The following PLSCR4 variants were observed in gnomAD, a reference collection of about 807,000 sequenced individuals.
PLSCR4 encodes Ca(2+)-dependent phospholipid scramblase 4.
PLSCR4 carries 25 observed loss-of-function variants against 36.3 expected under a neutral mutation model. That is an observed-to-expected ratio of 0.69 (90% confidence interval 0.50 to 0.96). The LOEUF (loss-of-function observed/expected upper bound fraction) is 0.96, where lower values mean the gene tolerates loss of function less well. Among genes scored for constraint, PLSCR4 ranks in the 40% least tolerant of loss-of-function variants. PLSCR4 has a pLI of 0.00. For synonymous variants in PLSCR4, 122 were observed against 132.9 expected (o/e 0.92, Z 0.56); for missense variants, 408 against 414.7 (o/e 0.98, Z 0.14).
chr3:146,227,275 G>A (rs375780003), intron 1 of PLSCR4, among the ~76,000 whole-genome samples: 1 of 152,048 alleles, frequency 6.6e-6, no homozygotes, highest in Non-Finnish European at 1.5e-5. Flanking sequence ...GTATTTTGGG[G>A]GCATGATATG....
At chr3:146,241,322 T>C (rs2036141652) in intron 1 of PLSCR4, among the ~76,000 whole-genome samples, 1 of 152,182 alleles carries the variant, frequency 6.6e-6, no homozygotes. Context: ...TTTTATGGTA[T>C]GTGAATTATG....
chr3:146,222,001 GA>G, intron 2 of PLSCR4, 63 bp downstream of exon 2: 1 of 968,976 alleles, frequency 1.0e-6, no homozygotes, highest in Non-Finnish European at 1.5e-6. Flanking sequence ...CCCCTTTAGG[GA>G]AAATAATCAC....
chr3:146,221,024 T>C lies in PLSCR4; in HGVS notation c.8-99A>G, dbSNP rs115332060. On this transcript the variant is annotated intron_variant, in intron 2 of 8. Coordinates refer to ENST00000354952, the MANE Select transcript of PLSCR4 (RefSeq NM_020353.3). Reference sequence around the variant, plus strand: ...TCTTATGGGAATGCATCAAGAAATATAATCAACTGGAAAATACACTCCTAT... The same window carrying C: ...TCTTATGGGAATGCATCAAGAAATACAATCAACTGGAAAATACACTCCTAT... 2,928 of 650,838 alleles carry C rather than the reference T, an allele frequency of 4.5e-3. 78 individuals are homozygous for C. The African/African-American group carries it at 0.048, about 11-fold the overall frequency. The allele number at this position is 650,838 out of a possible 1,614,324, so 40.3% of individuals were successfully genotyped here.
At chr3:146,202,891 G>A (rs946840746) in intron 4 of PLSCR4, among the ~76,000 whole-genome samples, 2 of 152,008 alleles carry the variant, frequency 1.3e-5, no homozygotes, top group Non-Finnish European at 2.9e-5. Flanking sequence ...ATCTGTTAAA[G>A]TTGTATCATG....
chr3:146,194,357 T>TA lies in PLSCR4; in HGVS notation c.*53_*54insT. The TA allele has an allele frequency of 8.3e-7, 1 of 1,210,326 alleles. No individual in the cohort carries two copies. The highest frequency in any genetic ancestry group is 1.2e-5 in the South Asian group (1 of 82,422). The allele number at this position is 1,210,326 out of a possible 1,614,324, so 75.0% of individuals were successfully genotyped here. Reference sequence around the variant, plus strand: ...AACTGAGTGCTGACTGTAAGCCCAATCCAACTTTTCCATTTTTCAAAATTA... The same window carrying TA: ...AACTGAGTGCTGACTGTAAGCCCAATACCAACTTTTCCATTTTTCAAAATTA... On this transcript the variant is annotated 3_prime_UTR_variant, in exon 9 of 9. Transcript: ENST00000354952.
chr3:146,243,815 A>C (rs2036247195), intron 1 of PLSCR4, among the ~76,000 whole-genome samples: 3 of 152,296 alleles, frequency 2.0e-5, no homozygotes, highest in African/African-American at 7.2e-5. Flanking sequence ...CCTCATTTGT[A>C]GAGAAAACAC....
intron 1 of PLSCR4, among the ~76,000 whole-genome samples, chr3:146,224,487 C>T (rs1020831303): frequency 6.7e-6 from 1 of 148,898 alleles, no homozygotes; most frequent in Admixed American, 6.6e-5. Flanking sequence ...GAGTTTGTTC[C>T]TTCTTATGTT....
chr3:146,213,443 T>C (rs930893496), intron 3 of PLSCR4, among the ~76,000 whole-genome samples: 2 of 151,222 alleles, frequency 1.3e-5, no homozygotes, highest in African/African-American at 2.4e-5. Flanking sequence ...GCCATTCTCC[T>C]GTCTCAGTGT....
chr3:146,241,136 G>T (rs1198374634), intron 1 of PLSCR4, among the ~76,000 whole-genome samples: 1 of 152,086 alleles, frequency 6.6e-6, no homozygotes, highest in African/African-American at 2.4e-5. Context: ...TCCAGAATAG[G>T]CAAGTTTATA....
At chr3:146,199,662 C>T (rs548388580) in intron 6 of PLSCR4, 151 bp downstream of exon 6, 25 of 646,974 alleles carry the variant, frequency 3.9e-5, no homozygotes, top group East Asian at 5.5e-5. Flanking sequence ...TTTCCTTAGG[C>T]GAGACAATTT....
intron 3 of PLSCR4, among the ~76,000 whole-genome samples, chr3:146,210,147 A>C (rs772934594): frequency 6.6e-5 from 10 of 152,130 alleles, no homozygotes; most frequent in Non-Finnish European, 1.5e-4. Flanking sequence ...GTAAATGCTA[A>C]TATAAATTGT....
intron 1 of PLSCR4, among the ~76,000 whole-genome samples, chr3:146,224,384 T>C (rs1382322081): frequency 1.3e-5 from 2 of 152,188 alleles, no homozygotes; most frequent in Non-Finnish European, 2.9e-5. Context: ...TAGTATTGTG[T>C]CCAGAATTGG....
chr3:146,194,606 G>T, intron 8 of PLSCR4, 151 bp from the exon 9 acceptor site: 1 of 553,436 alleles, frequency 1.8e-6, no homozygotes, highest in Non-Finnish European at 3.2e-6. Context: ...CTACTGTGAA[G>T]AGCAGCAGTT....
At chr3:146,224,141 T>G (rs913775730) in intron 1 of PLSCR4, among the ~76,000 whole-genome samples, 1 of 151,918 alleles carries the variant, frequency 6.6e-6, no homozygotes, top group African/African-American at 2.4e-5. Flanking sequence ...GAAGTGACTC[T>G]TGCACATGCA....
chr3:146,202,663 C>G (rs902545426), intron 4 of PLSCR4, among the ~76,000 whole-genome samples: 2 of 151,984 alleles, frequency 1.3e-5, no homozygotes, highest in South Asian at 2.1e-4. Flanking sequence ...TGAAAGATTT[C>G]CTTGTAGCAC....
At position 146,195,092 on chromosome 3, in the gene PLSCR4, C is replaced by T. The variant is rs372029931; in HGVS notation, c.945+32G>A. On this transcript the variant is annotated intron_variant, in intron 8 of 8. Transcript: ENST00000354952. Reference sequence around the variant, plus strand: ...TGCTTCTCCATCAGAAAGAACAACTCTCTCAGGATAACTCAAAAATAGAAG... The same window carrying T: ...TGCTTCTCCATCAGAAAGAACAACTTTCTCAGGATAACTCAAAAATAGAAG... The T allele has an allele frequency of 1.2e-5, 20 of 1,602,646 alleles. No homozygotes were observed. The Admixed American group carries it at 1.8e-4, about 15-fold the overall frequency.
At chr3:146,223,399 T>G (rs1321083633) in intron 1 of PLSCR4, among the ~76,000 whole-genome samples, 1 of 139,118 alleles carries the variant, frequency 7.2e-6, no homozygotes, top group East Asian at 2.0e-4. Context: ...CCAATTCTTT[T>G]CACATATCTC....
At chr3:146,242,896 T>A (rs566148557) in intron 1 of PLSCR4, among the ~76,000 whole-genome samples, 1 of 152,276 alleles carries the variant, frequency 6.6e-6, no homozygotes, top group African/African-American at 2.4e-5. Context: ...TAAACACTCA[T>A]GCAACTGGAA....
chr3:146,220,730 A>T, intron 3 of PLSCR4, 85 bp downstream of exon 3: 1 of 799,116 alleles, frequency 1.3e-6, no homozygotes, highest in Non-Finnish European at 2.1e-6. Context: ...AAATCAGTCA[A>T]TTAATTTGTT....
Sources: allele counts gnomAD v4.1 joint callset (sites outside exome capture counted in the v4.1 genomes callset), GRCh38; gene constraint gnomAD v4.1.1; transcripts MANE v1.5; gene names NCBI Gene and HGNC (gene_info 2026-07-23, HGNC 2026-07-21).